LARGE1: variants seen among roughly 807,000 people sequenced by gnomAD.
The protein encoded by LARGE1 is LARGE xylosyl- and glucuronyltransferase 1, also known as xylosyl- and glucuronyltransferase LARGE1.
LARGE1 carries 43 observed loss-of-function variants against 87.6 expected under a neutral mutation model. The ratio of observed to expected loss-of-function variants is 0.49; its 90% CI spans 0.38 to 0.63. LARGE1 has a LOEUF of 0.63. Among genes scored for constraint, LARGE1 ranks in the 30% least tolerant of loss-of-function variants. The probability of loss-of-function intolerance (pLI) is 0.00; values close to 1 mark genes in which losing one functional copy is unlikely to be tolerated. For synonymous variants in LARGE1, 434 were observed against 394.6 expected (o/e 1.10, Z -1.18); for missense variants, 802 against 1,000.2 (o/e 0.80, Z 2.67).
At chr22:33,808,664 T>C (rs1478932410) in intron 1 of LARGE1, among the ~76,000 whole-genome samples, 1 of 152,232 alleles carries the variant, frequency 6.6e-6, no homozygotes, top group Non-Finnish European at 1.5e-5. Context: ...GTGAGCCGGA[T>C]CAATTTCACA....
chr22:33,178,206 A>C (rs571338220), intron 11 of LARGE1, among the ~76,000 whole-genome samples: 3 of 152,334 alleles, frequency 2.0e-5, no homozygotes, highest in Middle Eastern at 3.4e-3. Context: ...ATGAGTTTCC[A>C]AAAGATATTG....
chr22:33,231,624 AG>A (rs1926010043), intron 11 of LARGE1, among the ~76,000 whole-genome samples: 1 of 152,198 alleles, frequency 6.6e-6, no homozygotes. Context: ...GAAGATTTGG[AG>A]GGGACCATAA....
chr22:33,851,584 C>A (rs946118190), intron 1 of LARGE1, among the ~76,000 whole-genome samples: 5 of 152,218 alleles, frequency 3.3e-5, no homozygotes, highest in African/African-American at 9.7e-5. Flanking sequence ...CAGTTAAAGA[C>A]TACCAGGAAC....
chr22:33,855,178 C>CA (rs1177140203), intron 1 of LARGE1, among the ~76,000 whole-genome samples: 2 of 151,850 alleles, frequency 1.3e-5, no homozygotes, highest in Non-Finnish European at 2.9e-5. Flanking sequence ...ACTAAAAATA[C>CA]AAAAAAATTA....
intron 10 of LARGE1, among the ~76,000 whole-genome samples, chr22:33,333,075 C>T (rs182549640): frequency 0.011 from 1,589 of 149,212 alleles, 30 homozygotes; most frequent in African/African-American, 0.037. Flanking sequence ...GGCGTGATCT[C>T]GGCTCACTGC....
intron 11 of LARGE1, among the ~76,000 whole-genome samples, chr22:33,195,837 C>T (rs1924045035): frequency 6.7e-6 from 1 of 149,422 alleles, no homozygotes; most frequent in Admixed American, 6.7e-5. Context: ...TCACTGCAAG[C>T]TCTGCCTCCC....
chr22:33,247,547 T>C (rs1405908760), intron 11 of LARGE1, among the ~76,000 whole-genome samples: 5 of 152,248 alleles, frequency 3.3e-5, no homozygotes. Flanking sequence ...AAAGAATTGA[T>C]TGATATTCAT....
chr22:33,430,344 C>T (rs185178336), intron 7 of LARGE1, among the ~76,000 whole-genome samples: 3 of 152,270 alleles, frequency 2.0e-5, no homozygotes, highest in Non-Finnish European at 4.4e-5. Flanking sequence ...CTGCCTTACC[C>T]ATTATTGAAA....
In LARGE1 at chr22:33,920,048, G is replaced by C. The variant is rs1173403548; in HGVS notation, c.-136C>G. Reference sequence around the variant, plus strand: ...GAGACACGGAAGAACAGGGTGGCGCGGCGGCGCCGCCGCCTACGAGGCGCA... The same window carrying C: ...GAGACACGGAAGAACAGGGTGGCGCCGCGGCGCCGCCGCCTACGAGGCGCA... On this transcript the variant is annotated 5_prime_UTR_variant, in exon 1 of 15. Coordinates refer to ENST00000397394, the MANE Select transcript of LARGE1 (RefSeq NM_133642.5). The C allele has an allele frequency of 6.6e-6, 1 of 152,390 alleles. No homozygotes were observed. Among genetic ancestry groups the C allele is most frequent in the African/African-American group, 2.4e-5 (1 of 41,460 alleles). 9.4% of individuals were successfully genotyped at this position (152,390 alleles called of 1,614,324 possible).
intron 9 of LARGE1, among the ~76,000 whole-genome samples, chr22:33,342,138 C>A (rs561426658): frequency 6.6e-5 from 10 of 152,320 alleles, no homozygotes; most frequent in African/African-American, 2.4e-4. Context: ...CTGGGCCATG[C>A]ATTAAAATAA....
At chr22:33,549,475 C>T (rs1182288842) in intron 6 of LARGE1, among the ~76,000 whole-genome samples, 3 of 152,120 alleles carry the variant, frequency 2.0e-5, no homozygotes, top group Non-Finnish European at 4.4e-5. Context: ...GATGTGAATG[C>T]TTTTGAGTCT....
intron 5 of LARGE1, among the ~76,000 whole-genome samples, chr22:33,597,434 C>A (rs1353792397): frequency 6.6e-6 from 1 of 152,098 alleles, no homozygotes; most frequent in Non-Finnish European, 1.5e-5. Flanking sequence ...GCAGTTTACC[C>A]ACCCCCTACA....
chr22:33,207,335 G>A (rs1013288824), intron 11 of LARGE1, among the ~76,000 whole-genome samples: 2 of 152,170 alleles, frequency 1.3e-5, no homozygotes, highest in East Asian at 3.9e-4. Context: ...CTTTTACTTC[G>A]CAGCTACAGT....
chr22:33,719,526 T>TATTTA (rs2083019985), intron 2 of LARGE1, among the ~76,000 whole-genome samples: 1 of 151,306 alleles, frequency 6.6e-6, no homozygotes, highest in Non-Finnish European at 1.5e-5. Flanking sequence ...TTTATTTATT[T>TATTTA]ATTTATTTTT....
At chr22:33,120,947 G>A in the LARGE1 span, among the ~76,000 whole-genome samples, 1 of 152,072 alleles carries the variant, frequency 6.6e-6, no homozygotes, top group Non-Finnish European at 1.5e-5. Flanking sequence ...GGTTTCCACA[G>A]AGGAATAAAT....
At chr22:33,488,357 A>C (rs1185608080) in intron 6 of LARGE1, among the ~76,000 whole-genome samples, 8 of 152,230 alleles carry the variant, frequency 5.3e-5, no homozygotes, top group Admixed American at 4.6e-4. Context: ...TTAGGGATGG[A>C]AAATAAGACA....
At chr22:33,074,629 C>T in the LARGE1 span, among the ~76,000 whole-genome samples, 1 of 151,276 alleles carries the variant, frequency 6.6e-6, no homozygotes, top group East Asian at 2.0e-4. Flanking sequence ...GAGCCGAGAT[C>T]ACACCACTGC....
At position 33,650,621 on chromosome 22, in the gene LARGE1, G is replaced by T. The variant is rs901501231; in HGVS notation, c.154C>A (p.Pro52Thr). Residue 52 changes from proline (P) to threonine (T), a missense_variant, in exon 3 of 15, where the codon CCC becomes ACC. Transcript: ENST00000397394. Reference sequence around the variant, plus strand: ...CGCTGGCTGGAGGCCGTGTACCTGGGGCTGTGTGCCTGGGACTCCAGCGGT... The same window carrying T: ...CGCTGGCTGGAGGCCGTGTACCTGGTGCTGTGTGCCTGGGACTCCAGCGGT... ...LSPLESQAHS[P>T]RYTASSQRER... The T allele has an allele frequency of 4.4e-6, 7 of 1,603,702 alleles. No individual in the cohort carries two copies. The highest frequency in any genetic ancestry group is 5.1e-6 in the Non-Finnish European group (6 of 1,179,964).
At chr22:33,463,176 T>A (rs2068448804) in intron 6 of LARGE1, among the ~76,000 whole-genome samples, 1 of 152,046 alleles carries the variant, frequency 6.6e-6, no homozygotes, top group South Asian at 2.1e-4. Context: ...ATCTAGTAAA[T>A]AGACCCTTAC....
Sources: gnomAD v4.1 joint callset for allele counts (sites outside exome capture counted in the v4.1 genomes callset) on GRCh38, gnomAD v4.1.1 for gene constraint, MANE v1.5 for transcripts, NCBI Gene and HGNC (gene_info 2026-07-23, HGNC 2026-07-21) for gene names.